PACC1: variants seen among roughly 807,000 people sequenced by gnomAD.
The protein encoded by PACC1 is proton activated chloride channel 1, also known as proton-activated chloride channel.
In PACC1, 34 loss-of-function variants were observed where a neutral mutation model predicts 39.7. The ratio of observed to expected loss-of-function variants is 0.86; its 90% CI spans 0.65 to 1.14. PACC1 has a LOEUF of 1.14. PACC1 is among the 50% of genes most tolerant of loss of function. The probability of loss-of-function intolerance (pLI) is 0.00; values close to 1 mark genes in which losing one functional copy is unlikely to be tolerated. For missense variants in PACC1, 379 were observed against 436.4 expected (o/e 0.87, Z 1.17); for synonymous variants, 127 against 160.6 (o/e 0.79, Z 1.58).
chr1:212,402,633 T>A (rs1449199045), intron 2 of PACC1, among the ~76,000 whole-genome samples: 1 of 152,216 alleles, frequency 6.6e-6, no homozygotes, highest in Non-Finnish European at 1.5e-5. Context: ...TTCTTGATAG[T>A]GTCCTTTGAT....
chr1:212,389,328 G>C (rs577207847), intron 2 of PACC1, among the ~76,000 whole-genome samples: 1 of 152,102 alleles, frequency 6.6e-6, no homozygotes, highest in Non-Finnish European at 1.5e-5. Flanking sequence ...ACCCAGGGGG[G>C]GCCAGCAAAA....
intron 7 of PACC1, among the ~76,000 whole-genome samples, chr1:212,369,534 A>C (rs898451653): frequency 1.3e-5 from 2 of 152,210 alleles, no homozygotes; most frequent in African/African-American, 4.8e-5. Context: ...TAATCCCAGC[A>C]CTTTGGGAGG....
chr1:212,373,322 G>C (rs1296654812), intron 7 of PACC1, among the ~76,000 whole-genome samples: 1 of 151,384 alleles, frequency 6.6e-6, no homozygotes, highest in African/African-American at 2.4e-5. Flanking sequence ...AATGAAACTA[G>C]ACCCCTATCT....
intron 5 of PACC1, among the ~76,000 whole-genome samples, chr1:212,378,576 T>A (rs1660754444): frequency 6.6e-6 from 1 of 152,032 alleles, no homozygotes; most frequent in South Asian, 2.1e-4. Flanking sequence ...AGGAACTGAG[T>A]CCCTCTCAAC....
chr1:212,413,803 TG>T, intron 1 of PACC1: 1 of 1,344,178 alleles, frequency 7.4e-7, no homozygotes, highest in Non-Finnish European at 9.8e-7. Flanking sequence ...AAGGCAAATC[TG>T]GAGAGTATAA....
chr1:212,385,275 A>G lies in PACC1; in HGVS notation c.494T>C (p.Val165Ala). Reference protein sequence around the residue: ...NYTDPFSNQTVKSALIVQGPR... With the variant: ...NYTDPFSNQTAKSALIVQGPR... ...CCAGCTCAGGCAGACAGGAATTACC[A>G]CAGTCTGATTGGAGAAGGGGTCCGT... Residue 165 changes from valine (V) to alanine (A), a missense_variant and splice_region_variant, in exon 4 of 8, where the codon GTG (valine) becomes GCG (alanine). Val to Ala is a moderately conservative substitution (Grantham distance 64). Coordinates refer to ENST00000261455, the MANE Select transcript of PACC1 (RefSeq NM_018252.3). 1 of 1,613,894 alleles carries G rather than the reference A, an allele frequency of 6.2e-7. No homozygotes were observed. Among genetic ancestry groups the G allele is most frequent in the Non-Finnish European group, 8.5e-7 (1 of 1,179,960 alleles).
chr1:212,386,372 G>A lies in PACC1; in HGVS notation c.343+519C>T, dbSNP rs1661099141. Among the ~76,000 whole-genome samples the A allele has an allele frequency of 6.6e-6, 1 of 152,134 alleles. No individual in the cohort carries two copies. Among genetic ancestry groups the A allele is most frequent in the South Asian group, 2.1e-4 (1 of 4,828 alleles). ...CCCCACTCAGGGACCAGACACCCCA[G>A]TGAGACAGGTATACCCAGTGTGGCC... On this transcript the variant is annotated intron_variant, in intron 3 of 7. Coordinates refer to ENST00000261455, the MANE Select transcript of PACC1 (RefSeq NM_018252.3). The surrounding 1 kb of genome is among the most constrained non-coding windows in gnomAD (Gnocchi z 5.0).
intron 2 of PACC1, among the ~76,000 whole-genome samples, chr1:212,391,963 C>T (rs1317033321): frequency 6.6e-6 from 1 of 152,162 alleles, no homozygotes; most frequent in Non-Finnish European, 1.5e-5. Flanking sequence ...AAATCTACGT[C>T]TGATTGGTGT....
chr1:212,381,770 G>GACACACAC (rs10529310), intron 4 of PACC1, among the ~76,000 whole-genome samples: 38 of 118,144 alleles, frequency 3.2e-4, no homozygotes, highest in East Asian at 9.6e-4. Context: ...ACAGCACAGT[G>GACACACAC]ACACACACAC....
chr1:212,404,235 T>C (rs1356029964), intron 2 of PACC1, among the ~76,000 whole-genome samples: 1 of 151,908 alleles, frequency 6.6e-6, no homozygotes, highest in Admixed American at 6.6e-5. Context: ...GCCTCCCGAG[T>C]AGCTGGGACT....
chr1:212,367,349 CTG>C (rs1553278696), intron 7 of PACC1, among the ~76,000 whole-genome samples: 3 of 152,188 alleles, frequency 2.0e-5, no homozygotes, highest in Admixed American at 6.5e-5. Flanking sequence ...CAGAGAGAAT[CTG>C]TGAGCTTGGG....
intron 4 of PACC1, among the ~76,000 whole-genome samples, chr1:212,381,520 T>G (rs1660877951): frequency 6.6e-6 from 1 of 152,132 alleles, no homozygotes; most frequent in African/African-American, 2.4e-5. Flanking sequence ...TTCAGCAGAA[T>G]CCACTCCCCC....
At chr1:212,404,702 CCTT>C (rs1661842464) in intron 2 of PACC1, among the ~76,000 whole-genome samples, 1 of 150,588 alleles carries the variant, frequency 6.6e-6, no homozygotes, top group South Asian at 2.1e-4. Flanking sequence ...AGCCTTCCTT[CCTT>C]TTTTTTTTTT....
rs573153755 is a variant in PACC1, at chr1:212,383,302, G to A, written c.495+1972C>T. ...AAGTGCAACTGGCCTACACAGGTTTGGAAATGACCCTCACTGACTCCTCCT... is the reference window on the plus strand; with the variant it reads ...AAGTGCAACTGGCCTACACAGGTTTAGAAATGACCCTCACTGACTCCTCCT... On this transcript the variant is annotated intron_variant, in intron 4 of 7. Transcript: ENST00000261455. Among the ~76,000 whole-genome samples, 3 of 152,282 alleles carry A rather than the reference G, an allele frequency of 2.0e-5. No homozygotes were observed. In the South Asian group the frequency reaches 6.2e-4, roughly 32 times the overall value.
intron 4 of PACC1, among the ~76,000 whole-genome samples, chr1:212,383,196 T>C (rs904666164): frequency 1.3e-5 from 2 of 152,190 alleles, no homozygotes; most frequent in Non-Finnish European, 2.9e-5. Context: ...TCAACTTCAT[T>C]TCCATAAAAA....
chr1:212,396,840 CTATCTATCTATT>C (rs759994703), intron 2 of PACC1, among the ~76,000 whole-genome samples: 229 of 123,982 alleles, frequency 1.8e-3, no homozygotes, highest in Middle Eastern at 4.8e-3. Flanking sequence ...ATCTATCTAT[CTATCTATCTATT>C]ACATATAGAG....
At chr1:212,367,461 G>A (rs1660287268) in intron 7 of PACC1, among the ~76,000 whole-genome samples, 1 of 152,182 alleles carries the variant, frequency 6.6e-6, no homozygotes, top group Admixed American at 6.5e-5. Flanking sequence ...CCCGTGAAAA[G>A]AGTATTAGGC....
intron 7 of PACC1, among the ~76,000 whole-genome samples, chr1:212,374,989 A>G (rs1413606856): frequency 6.6e-6 from 1 of 152,206 alleles, no homozygotes; most frequent in East Asian, 1.9e-4. Flanking sequence ...CACAAAGAAT[A>G]TATAACATTG....
At position 212,408,836 on chromosome 1, in the gene PACC1, ACTGGTCT is replaced by A. The variant is rs556917540; in HGVS notation, c.133+1582_133+1588del. Among the ~76,000 whole-genome samples the A allele has an allele frequency of 9.6e-4, 147 of 152,342 alleles. 1 individual carries two copies. The highest frequency in any genetic ancestry group is 4.6e-4 in the Admixed American group (7 of 15,306). On this transcript the variant is annotated intron_variant, in intron 2 of 7. Transcript: ENST00000261455. ...AAGGCTAGGCTGGTGAGCAAAACAG[ACTGGTCT>A]CTGCCCTCAGGGAGTTTCATTCTAG...
Sources: allele counts gnomAD v4.1 joint callset (sites outside exome capture counted in the v4.1 genomes callset), GRCh38; gene constraint gnomAD v4.1.1; non-coding constraint Gnocchi (gnomAD v3.1); transcripts MANE v1.5; gene names NCBI Gene and HGNC (gene_info 2026-07-23, HGNC 2026-07-21).